The following ETV6 variants were observed in gnomAD, a reference collection of about 807,000 sequenced individuals.
ETV6 encodes the protein ETS variant transcription factor 6, also known as transcription factor ETV6.
Under a neutral mutation model 51.1 loss-of-function variants are expected in ETV6, and 16 were observed. The ratio of observed to expected loss-of-function variants is 0.31; its 90% CI spans 0.21 to 0.48. ETV6 has a LOEUF of 0.48. Among genes scored for constraint, ETV6 ranks in the 20% least tolerant of loss-of-function variants. The pLI, the probability that ETV6 is intolerant of heterozygous loss-of-function variation, is 0.99. For missense variants in ETV6, 458 were observed against 594.8 expected (o/e 0.77, Z 2.39); for synonymous variants, 240 against 224.1 (o/e 1.07, Z -0.64).
chr12:11,759,545 T>C (rs993669180), intron 2 of ETV6, among the ~76,000 whole-genome samples: 2 of 152,228 alleles, frequency 1.3e-5, no homozygotes, highest in Non-Finnish European at 2.9e-5. Context: ...AACCAGTCCA[T>C]TTTATGAAAC....
At chr12:11,774,356 A>C (rs1945288190) in intron 2 of ETV6, among the ~76,000 whole-genome samples, 1 of 152,190 alleles carries the variant, frequency 6.6e-6, no homozygotes, top group South Asian at 2.1e-4. Flanking sequence ...ACCACGCAAG[A>C]GAGTCTGCAG....
chr12:11,856,543 A>G (rs1167881803), intron 4 of ETV6, among the ~76,000 whole-genome samples: 1 of 152,198 alleles, frequency 6.6e-6, no homozygotes, highest in African/African-American at 2.4e-5. Flanking sequence ...TCCAAGGCAC[A>G]GAAGTGATAT....
At chr12:11,758,399 A>G (rs1945036409) in intron 2 of ETV6, among the ~76,000 whole-genome samples, 1 of 152,198 alleles carries the variant, frequency 6.6e-6, no homozygotes, top group African/African-American at 2.4e-5. Context: ...GCAGGAGCCA[A>G]GGGAAGCAGA....
chr12:11,659,486 A>G (rs1391566444), intron 1 of ETV6, among the ~76,000 whole-genome samples: 1 of 152,048 alleles, frequency 6.6e-6, no homozygotes, highest in Admixed American at 6.5e-5. Context: ...CCACAAGTGG[A>G]AGTTTGTGAT....
chr12:11,874,509 CGT>C (rs1946936896), intron 5 of ETV6, among the ~76,000 whole-genome samples: 1 of 10,572 alleles, frequency 9.5e-5, no homozygotes, highest in East Asian at 3.5e-3. Flanking sequence ...TGTGTATGTG[CGT>C]GTGTACACAC....
At chr12:11,751,780 C>T (rs1866033472) in intron 1 of ETV6, 8 of 470,608 alleles carry the variant, frequency 1.7e-5, no homozygotes, top group Non-Finnish European at 3.0e-5. Context: ...AATATCGATT[C>T]TGAGATGGAG....
At chr12:11,738,507 C>A (rs3020929) in intron 1 of ETV6, among the ~76,000 whole-genome samples, 140,048 of 151,104 alleles carry the variant, frequency 0.93, 65,676 homozygotes, top group East Asian at 1. Flanking sequence ...CGGTTTTGCC[C>A]TGTTGCCCAG....
intron 4 of ETV6, among the ~76,000 whole-genome samples, chr12:11,862,787 T>C (rs1306721633): frequency 6.6e-6 from 1 of 152,192 alleles, no homozygotes; most frequent in Non-Finnish European, 1.5e-5. Flanking sequence ...GACTTCAACT[T>C]ATGAATTTTG....
intron 1 of ETV6, among the ~76,000 whole-genome samples, chr12:11,666,563 G>T (rs2724592): frequency 0.98 from 149,864 of 152,302 alleles, 73,779 homozygotes; most frequent in East Asian, 1. Flanking sequence ...CTGATAAGTG[G>T]GAAATGGACC....
At chr12:11,876,306 C>T (rs1946982082) in intron 5 of ETV6, among the ~76,000 whole-genome samples, 1 of 152,158 alleles carries the variant, frequency 6.6e-6, no homozygotes, top group Non-Finnish European at 1.5e-5. Flanking sequence ...AAAATTATTG[C>T]CAGTCTGCTC....
chr12:11,857,793 T>A (rs1760605342), intron 4 of ETV6, among the ~76,000 whole-genome samples: 1 of 152,190 alleles, frequency 6.6e-6, no homozygotes, highest in Non-Finnish European at 1.5e-5. Flanking sequence ...AAGGGCTAAG[T>A]TTCTCATTCC....
At chr12:11,653,941 T>A (rs1863953969) in intron 1 of ETV6, among the ~76,000 whole-genome samples, 2 of 151,890 alleles carry the variant, frequency 1.3e-5, no homozygotes, top group Non-Finnish European at 2.9e-5. Context: ...GCCTCCCAAG[T>A]AGTTGGGATT....
chr12:11,663,975 C>CTTAA (rs1466753999), intron 1 of ETV6, among the ~76,000 whole-genome samples: 1 of 152,192 alleles, frequency 6.6e-6, no homozygotes, highest in Non-Finnish European at 1.5e-5. Context: ...TGATAACACT[C>CTTAA]TTAAGTATTT....
chr12:11,742,982 A>AT (rs1322019844), intron 1 of ETV6, among the ~76,000 whole-genome samples: 1 of 151,476 alleles, frequency 6.6e-6, no homozygotes, highest in East Asian at 1.9e-4. Context: ...AATTTTTCAT[A>AT]TTTTTTGTAG....
chr12:11,671,077 C>T (rs1296413313), intron 1 of ETV6, among the ~76,000 whole-genome samples: 1 of 152,140 alleles, frequency 6.6e-6, no homozygotes, highest in Non-Finnish European at 1.5e-5. Context: ...CAGGGACCTC[C>T]TCCTCTCCCC....
chr12:11,712,380 G>A (rs1009236117), intron 1 of ETV6, among the ~76,000 whole-genome samples: 2 of 152,186 alleles, frequency 1.3e-5, no homozygotes, highest in Non-Finnish European at 2.9e-5. Context: ...GTGGAAGAAA[G>A]GACCTAGGTG....
chr12:11,856,812 G>A (rs1946639132), intron 4 of ETV6, among the ~76,000 whole-genome samples: 1 of 151,950 alleles, frequency 6.6e-6, no homozygotes, highest in Non-Finnish European at 1.5e-5. Flanking sequence ...GAAAGATCTG[G>A]TTCTGAAAAA....
At chr12:11,742,960 C>A (rs1193743876) in intron 1 of ETV6, among the ~76,000 whole-genome samples, 1 of 152,190 alleles carries the variant, frequency 6.6e-6, no homozygotes, top group South Asian at 2.1e-4. Flanking sequence ...GCACATGCCA[C>A]CATGCCTGGC....
intron 2 of ETV6, among the ~76,000 whole-genome samples, chr12:11,774,167 T>C (rs775116830): frequency 3.3e-5 from 5 of 152,144 alleles, no homozygotes; most frequent in Non-Finnish European, 7.4e-5. Flanking sequence ...TCATCTTGTT[T>C]TTGCTTTTAA....
Sources: allele counts gnomAD v4.1 joint callset (sites outside exome capture counted in the v4.1 genomes callset), GRCh38; gene constraint gnomAD v4.1.1; transcripts MANE v1.5; gene names NCBI Gene and HGNC (gene_info 2026-07-23, HGNC 2026-07-21).